The following TRIM23 variants were observed in gnomAD, a reference collection of about 807,000 sequenced individuals.
TRIM23 encodes E3 ubiquitin-protein ligase TRIM23.
TRIM23 carries 27 observed loss-of-function variants against 71.0 expected under a neutral mutation model. That is an observed-to-expected ratio of 0.38 (90% CI 0.28 to 0.52). The LOEUF (loss-of-function observed/expected upper bound fraction) is 0.52, where lower values mean the gene tolerates loss of function less well. Among genes scored for constraint, TRIM23 ranks in the 20% least tolerant of loss-of-function variants. TRIM23 has a pLI of 0.84. For synonymous variants in TRIM23, 234 were observed against 238.0 expected (o/e 0.98, Z 0.16); for missense variants, 482 against 692.3 (o/e 0.70, Z 3.41).
chr5:65,603,622 T>A (rs139309718), intron 7 of TRIM23, among the ~76,000 whole-genome samples: 2 of 152,198 alleles, frequency 1.3e-5, no homozygotes, highest in East Asian at 3.8e-4. Flanking sequence ...TTTCTCTGAA[T>A]AAACCTTGCT....
chr5:65,609,448 G>A lies in TRIM23; in HGVS notation c.839C>T (p.Thr280Ile). ...AATACATGACCGGGCATTCTCTGCA[G>A]TCCCTGGTACCTAAGAAAATGAAAA... ...GMAHTEHVPG[T>I]AENARSCIRA... Residue 280 changes from threonine (T) to isoleucine (I), a missense_variant, in exon 6 of 11, where the codon ACT becomes ATT. Thr to Ile is a moderately conservative substitution (Grantham distance 89). Around this residue, in one of 2 missense-constraint regions of TRIM23, gnomAD observed 307 missense variants for 495.8 expected, o/e 0.62. Transcript: ENST00000231524. 6.2e-7 allele frequency: 1 copy of A among 1,613,936 alleles called. No homozygotes were observed. The highest frequency in any genetic ancestry group is 8.5e-7 in the Non-Finnish European group (1 of 1,179,916).
intron 5 of TRIM23, among the ~76,000 whole-genome samples, chr5:65,609,873 C>A (rs1048977559): frequency 6.6e-6 from 1 of 152,190 alleles, no homozygotes; most frequent in Non-Finnish European, 1.5e-5. Flanking sequence ...TATTCCCAAA[C>A]CTAATTGCCT....
chr5:65,616,502 C>T (rs1286530621), intron 2 of TRIM23, among the ~76,000 whole-genome samples: 2 of 151,302 alleles, frequency 1.3e-5, no homozygotes, highest in South Asian at 2.1e-4. Context: ...ATTAGTCAGG[C>T]GTGGTGGCAG....
At position 65,609,151 on chromosome 5, in the gene TRIM23, A is replaced by G. The variant is rs1408011517; in HGVS notation, c.1044+92T>C. 10 of 1,308,054 alleles carry G rather than the reference A, an allele frequency of 7.6e-6. 1 individual carries two copies. The East Asian group carries it at 2.4e-4, about 31-fold the overall frequency. 81.0% of individuals were successfully genotyped at this position (1,308,054 alleles called of 1,614,324 possible). A position where few individuals can be genotyped will look rare whatever the true frequency, so the allele number is the denominator to read the frequency against. The stretch of plus-strand genomic sequence containing the variant: ...CACAAAGTTACTGCATACAGCAGAC[A>G]CAAAATATTAATAAAACACACTAAT... On this transcript the variant is annotated intron_variant, in intron 6 of 10. Transcript: ENST00000231524.
intron 3 of TRIM23, among the ~76,000 whole-genome samples, 183 bp from the exon 4 acceptor site, chr5:65,612,064 A>G (rs1190827140): frequency 6.6e-6 from 1 of 152,202 alleles, no homozygotes; most frequent in Non-Finnish European, 1.5e-5. Context: ...TCTAGGGGTA[A>G]GAAGCTATTT....
rs1176498827 is a variant in TRIM23, at chr5:65,589,990, C to G, written c.*1779G>C. 4.3e-6 allele frequency: 1 copy of G among 234,404 alleles called. No homozygotes were observed. The highest frequency in any genetic ancestry group is 2.3e-5 in the African/African-American group (1 of 44,442). The allele number at this position is 234,404 out of a possible 1,614,324, so 14.5% of individuals were successfully genotyped here. On this transcript the variant is annotated 3_prime_UTR_variant, in exon 11 of 11. Transcript: ENST00000231524. ...TAATAGGAGCTTGAGAAAAATATTTCTTTAAAAATGAATCACACACAAACA... is the reference window on the plus strand; with the variant it reads ...TAATAGGAGCTTGAGAAAAATATTTGTTTAAAAATGAATCACACACAAACA...
intron 9 of TRIM23, among the ~76,000 whole-genome samples, chr5:65,595,284 G>A (rs1014687935): frequency 9.9e-5 from 15 of 151,852 alleles, no homozygotes; most frequent in African/African-American, 3.1e-4. Context: ...GTGGCCGGGC[G>A]CGGTGGCTCG....
At chr5:65,603,401 G>C (rs71626587) in intron 7 of TRIM23, among the ~76,000 whole-genome samples, 1 of 152,224 alleles carries the variant, frequency 6.6e-6, no homozygotes, top group East Asian at 1.9e-4. Context: ...GCTACAGAGT[G>C]ATGTTTAGGA....
At chr5:65,613,716 T>C (rs1581188426) in intron 3 of TRIM23, 2 of 1,183,632 alleles carry the variant, frequency 1.7e-6, no homozygotes, top group Non-Finnish European at 1.1e-6. Flanking sequence ...CTGTATTAAA[T>C]GGCCTCTTAC....
intron 9 of TRIM23, among the ~76,000 whole-genome samples, chr5:65,595,645 G>C (rs1367923810): frequency 6.6e-6 from 1 of 151,518 alleles, no homozygotes; most frequent in Non-Finnish European, 1.5e-5. Flanking sequence ...AAGATTGCTT[G>C]AGCCCAGGAG....
intron 2 of TRIM23, among the ~76,000 whole-genome samples, chr5:65,617,050 T>G (rs40195): frequency 2.0e-5 from 3 of 152,010 alleles, no homozygotes; most frequent in Non-Finnish European, 2.9e-5. Flanking sequence ...AGAAATAGTA[T>G]GATATATGCA....
chr5:65,604,876 G>GA (rs1754456015), intron 7 of TRIM23, 35 bp downstream of exon 7: 1 of 1,537,982 alleles, frequency 6.5e-7, no homozygotes, highest in Non-Finnish European at 8.8e-7. Context: ...TGATTTGTCA[G>GA]AAAAAATACC....
intron 6 of TRIM23, chr5:65,606,946 CTTA>C (rs1210304955): frequency 2.0e-5 from 3 of 152,102 alleles, no homozygotes; most frequent in Non-Finnish European, 2.9e-5. Context: ...TGGCTTTTTG[CTTA>C]TTGTGTTCAC....
intron 1 of TRIM23, among the ~76,000 whole-genome samples, chr5:65,623,001 C>T (rs1175913914): frequency 6.6e-6 from 1 of 152,184 alleles, no homozygotes; most frequent in Non-Finnish European, 1.5e-5. Context: ...CACAACATGC[C>T]TAATAATGAG....
intron 1 of TRIM23, among the ~76,000 whole-genome samples, chr5:65,622,757 T>C (rs1754978532): frequency 1.3e-5 from 2 of 152,140 alleles, no homozygotes; most frequent in Non-Finnish European, 2.9e-5. Context: ...AAGATGAAAA[T>C]GAACAAGGTG....
rs955962378 is a variant in TRIM23 at position 65,611,405 on chromosome 5, C to T, written c.645+198G>A. 5.9e-5 allele frequency among the ~76,000 whole-genome samples: 9 copies of T among 151,974 alleles called. No individual in the cohort carries two copies. In the South Asian group the frequency reaches 1.5e-3, roughly 25 times the overall value. ...TATTTTTTTGTGAAGAATCATGATG[C>T]CTCTTTGAAGTTTTTTTTTTTTTAT... On this transcript the variant is annotated intron_variant, in intron 4 of 10. Transcript: ENST00000231524.
At chr5:65,615,242 T>A (rs1754749677) in intron 2 of TRIM23, among the ~76,000 whole-genome samples, 1 of 152,200 alleles carries the variant, frequency 6.6e-6, no homozygotes, top group Non-Finnish European at 1.5e-5. Flanking sequence ...TATTTTGTCA[T>A]TGACTTTTAC....
chr5:65,610,096 T>A (rs915823846), intron 5 of TRIM23, among the ~76,000 whole-genome samples: 2 of 152,232 alleles, frequency 1.3e-5, no homozygotes. Context: ...ATTCTACTTA[T>A]TTAAAATCTC....
chr5:65,614,106 A>G lies in TRIM23; in HGVS notation c.358T>C (p.Ser120Pro), dbSNP rs775005883. 6.2e-7 allele frequency: 1 copy of G among 1,613,700 alleles called. No individual in the cohort carries two copies. The highest frequency in any genetic ancestry group is 8.5e-7 in the Non-Finnish European group (1 of 1,179,888). The change falls in exon 3 of 11, where the codon TCT becomes CCT. Residue 120 changes from serine to proline, a missense_variant. By Grantham distance (74) the Ser-to-Pro change is moderately conservative (BLOSUM62 -1). Around this residue, in one of 2 missense-constraint regions of TRIM23, gnomAD observed 175 missense variants for 196.5 expected, o/e 0.89. Coordinates refer to ENST00000231524, the MANE Select transcript of TRIM23 (RefSeq NM_001656.4). ...CCAAGTATGATCAATACCTCTCCAG[A>G]TATCCCAATGGATTCTTCTGCAGCT... ...YGAAEESIGI[S>P]GESIIRCDED...
Sources: gnomAD v4.1 joint callset for allele counts (sites outside exome capture counted in the v4.1 genomes callset) on GRCh38, gnomAD v4.1.1 for gene constraint, gnomAD v4.1.1 regional missense constraint, MANE v1.5 for transcripts, NCBI Gene and HGNC (gene_info 2026-07-23, HGNC 2026-07-21) for gene names.